Variants in TRAK1 observed in about 807,000 individuals in gnomAD.
TRAK1 encodes the protein trafficking kinesin protein 1.
In TRAK1, 33 loss-of-function variants were observed where a neutral mutation model predicts 92.1. The observed-to-expected ratio is 0.36, with a 90% CI of 0.27 to 0.48. The LOEUF is 0.48. TRAK1 is among the 20% of genes least tolerant of loss of function. The pLI is 0.99. For synonymous variants in TRAK1, 521 were observed against 517.3 expected (o/e 1.01, Z -0.10); for missense variants, 1,123 against 1,257.9 (o/e 0.89, Z 1.62).
At chr3:42,152,498 A>T (rs1700070462) in intron 2 of TRAK1, among the ~76,000 whole-genome samples, 1 of 152,200 alleles carries the variant, frequency 6.6e-6, no homozygotes, top group Non-Finnish European at 1.5e-5. Flanking sequence ...TCTGCTTATT[A>T]AAAAAGCAGA....
intron 2 of TRAK1, chr3:42,160,152 C>G (rs953704998): frequency 1.3e-5 from 17 of 1,311,412 alleles, no homozygotes; most frequent in Admixed American, 3.5e-5. Context: ...GGAGCCACCC[C>G]CTTCCGGGTC....
intron 1 of TRAK1, among the ~76,000 whole-genome samples, chr3:42,111,450 C>T (rs1421522217): frequency 2.6e-5 from 4 of 150,956 alleles, no homozygotes; most frequent in East Asian, 3.9e-4. Context: ...GGCTGGAGTG[C>T]GGTGGCGCGA....
intron 1 of TRAK1, among the ~76,000 whole-genome samples, chr3:42,098,226 TC>T (rs2149000627): frequency 6.6e-6 from 1 of 152,270 alleles, no homozygotes; most frequent in East Asian, 1.9e-4. Flanking sequence ...TCTTTTTTTT[TC>T]TTTTTAATAA....
chr3:42,041,057 T>A (rs1702521237), intron 1 of TRAK1, among the ~76,000 whole-genome samples: 1 of 151,704 alleles, frequency 6.6e-6, no homozygotes, highest in Admixed American at 6.6e-5. Context: ...TGTTGTTTTT[T>A]TTTTCCCCAA....
intron 15 of TRAK1, chr3:42,220,561 A>G: frequency 4.1e-6 from 4 of 985,374 alleles, no homozygotes; most frequent in Non-Finnish European, 4.8e-6. Flanking sequence ...GATATAGGGC[A>G]GAGAGTCTGA....
At chr3:42,018,823 A>C (rs1292828154) in intron 1 of TRAK1, among the ~76,000 whole-genome samples, 1 of 152,202 alleles carries the variant, frequency 6.6e-6, no homozygotes, top group Admixed American at 6.5e-5. Context: ...GATTTATGTC[A>C]CTTAAAATGC....
intron 13 of TRAK1, among the ~76,000 whole-genome samples, chr3:42,207,166 G>C (rs749837264): frequency 1.3e-5 from 2 of 152,134 alleles, no homozygotes; most frequent in Non-Finnish European, 2.9e-5. Context: ...TCAGACTCCA[G>C]TGTACAGTCC....
chr3:42,104,030 C>A (rs952948791), intron 1 of TRAK1, among the ~76,000 whole-genome samples: 1 of 152,232 alleles, frequency 6.6e-6, no homozygotes, highest in South Asian at 2.1e-4. Flanking sequence ...TATCCTGCGC[C>A]TGGCTTGGAG....
rs759677220 is a variant in TRAK1, at chr3:42,202,704, A to G, written c.1696A>G (p.Ser566Gly). Residue 566 changes from serine to glycine, a missense_variant, in exon 13 of 16, where the codon AGC (serine) becomes GGC (glycine). Physicochemically the swap from Ser to Gly is moderately conservative, Grantham distance 56 (BLOSUM62 0). This residue lies in a region of TRAK1 where 686 missense variants were observed against 747.6 expected (regional missense o/e 0.92). Coordinates refer to ENST00000327628, the MANE Select transcript of TRAK1 (RefSeq NM_001042646.3). This position sits in a 1 kb window ranked among gnomAD's most constrained non-coding sequence, Gnocchi z 6.1. ...FTGFSGMSFSSRSYLPEKLQI... is the reference protein window; with the variant it reads ...FTGFSGMSFSGRSYLPEKLQI... ...CGGCTTCTCTGGCATGTCCTTCAGC[A>G]GCCGCTCCTACCTGCCTGAGAAGCT... 1.2e-6 allele frequency: 2 copies of G among 1,613,858 alleles called. No homozygotes were observed. The highest frequency in any genetic ancestry group is 1.7e-6 in the Non-Finnish European group (2 of 1,179,940).
chr3:42,128,405 C>T (rs558960265), intron 2 of TRAK1, among the ~76,000 whole-genome samples: 5 of 152,266 alleles, frequency 3.3e-5, no homozygotes, highest in Admixed American at 6.5e-5. Context: ...TAACTTAATT[C>T]TGTATCTTCT....
At chr3:42,023,995 T>C (rs1701826691) in intron 1 of TRAK1, among the ~76,000 whole-genome samples, 1 of 152,116 alleles carries the variant, frequency 6.6e-6, no homozygotes, top group Admixed American at 6.5e-5. Flanking sequence ...CCTCAGGTGA[T>C]TCGCCCTCCT....
chr3:42,222,583 C>T (rs750688797), intron 15 of TRAK1, among the ~76,000 whole-genome samples: 20 of 152,214 alleles, frequency 1.3e-4, no homozygotes, highest in Admixed American at 3.3e-4. Flanking sequence ...CTTCCTTTCC[C>T]GTTCTCTAAC....
upstream of TRAK1, chr3:42,091,348 A>G (rs1157458601): frequency 4.8e-6 from 4 of 839,660 alleles, no homozygotes; most frequent in South Asian, 4.9e-5. Context: ...TGCCCTAACA[A>G]GCAAACTCAG....
At chr3:42,061,871 G>C (rs1703457437) in intron 1 of TRAK1, among the ~76,000 whole-genome samples, 1 of 152,172 alleles carries the variant, frequency 6.6e-6, no homozygotes, top group Non-Finnish European at 1.5e-5. Flanking sequence ...GGTTATTTTG[G>C]AAACGGATAT....
intron 14 of TRAK1, chr3:42,211,102 C>A: frequency 1.0e-6 from 1 of 985,356 alleles, no homozygotes; most frequent in Non-Finnish European, 1.2e-6. Context: ...TCATGACATT[C>A]CTGAGGATTC....
intron 2 of TRAK1, among the ~76,000 whole-genome samples, chr3:42,133,224 C>T (rs1697447138): frequency 6.6e-6 from 1 of 152,168 alleles, no homozygotes; most frequent in Non-Finnish European, 1.5e-5. Flanking sequence ...ACTCTGTGAC[C>T]TGGCTCTTGG....
At chr3:42,159,534 A>T (rs1388347571) in intron 2 of TRAK1, among the ~76,000 whole-genome samples, 1 of 152,210 alleles carries the variant, frequency 6.6e-6, no homozygotes, top group Non-Finnish European at 1.5e-5. Flanking sequence ...TTTGCAAGCT[A>T]TTAGGCTTTA....
At chr3:42,034,296 T>A (rs1702250265) in intron 1 of TRAK1, among the ~76,000 whole-genome samples, 1 of 152,040 alleles carries the variant, frequency 6.6e-6, no homozygotes, top group Non-Finnish European at 1.5e-5. Context: ...ATAGGGTCCT[T>A]TTTTAAAAAA....
intron 1 of TRAK1, among the ~76,000 whole-genome samples, chr3:42,112,202 C>T (rs1345205471): frequency 3.8e-5 from 5 of 131,744 alleles, no homozygotes; most frequent in East Asian, 2.4e-4. Context: ...AGTGCAATGG[C>T]GCGATCTCGG....
Sources: allele counts gnomAD v4.1 joint callset (sites outside exome capture counted in the v4.1 genomes callset), GRCh38; gene constraint gnomAD v4.1.1; regional missense constraint gnomAD v4.1.1; non-coding constraint Gnocchi (gnomAD v3.1); transcripts MANE v1.5; gene names NCBI Gene and HGNC (gene_info 2026-07-23, HGNC 2026-07-21).